Variants in BICC1 observed in about 807,000 individuals in gnomAD.
BICC1 encodes BicC family RNA binding protein 1.
BICC1 carries 43 observed loss-of-function variants against 111.0 expected under a neutral mutation model. That is an observed-to-expected ratio of 0.39 (90% CI 0.30 to 0.50). The LOEUF is 0.50. Ranked by LOEUF, BICC1 falls within the 20% of genes least tolerant of loss-of-function variation. The pLI is 0.88. For missense variants in BICC1, 1,091 were observed against 1,203.2 expected (o/e 0.91, Z 1.38); for synonymous variants, 467 against 434.4 (o/e 1.07, Z -0.93).
chr10:58,674,642 A>C (rs571588858), intron 2 of BICC1, among the ~76,000 whole-genome samples: 8 of 152,350 alleles, frequency 5.3e-5, no homozygotes, highest in Admixed American at 3.9e-4. Context: ...GTAATACATC[A>C]TAACTATCAT....
At chr10:58,718,566 T>C (rs986018254) in intron 3 of BICC1, among the ~76,000 whole-genome samples, 7 of 152,222 alleles carry the variant, frequency 4.6e-5, no homozygotes, top group Admixed American at 2.0e-4. Context: ...AATGCTTATT[T>C]ACAAGTAATT....
At chr10:58,821,131 G>T (rs1354121830) in intron 20 of BICC1, among the ~76,000 whole-genome samples, 3 of 152,138 alleles carry the variant, frequency 2.0e-5, no homozygotes, top group African/African-American at 2.4e-5. Context: ...CAGATGATGA[G>T]TCAGGAGTTG....
intron 1 of BICC1, among the ~76,000 whole-genome samples, chr10:58,529,568 A>G (rs1842628226): frequency 6.6e-6 from 1 of 151,936 alleles, no homozygotes; most frequent in Non-Finnish European, 1.5e-5. Context: ...GTTATTTCAT[A>G]TAATGATTTA....
intron 2 of BICC1, among the ~76,000 whole-genome samples, chr10:58,676,213 C>T (rs1371811264): frequency 2.0e-5 from 3 of 152,114 alleles, no homozygotes; most frequent in Non-Finnish European, 1.5e-5. Flanking sequence ...GGGCAGACAC[C>T]GAACTAGCTG....
At position 58,756,280 on chromosome 10, in the gene BICC1, A is replaced by G. The variant is rs530163301; in HGVS notation, c.308-28721A>G. ...TTGCTTTTCCGTTTTTTGCATTTCC[A>G]CGTAGACTGCGTTGCTCCTTGCTAG... On this transcript the variant is annotated intron_variant, in intron 3 of 20. Coordinates refer to ENST00000373886, the MANE Select transcript of BICC1 (RefSeq NM_001080512.3). Among the ~76,000 whole-genome samples, 65 of 152,046 alleles carry G rather than the reference A, an allele frequency of 4.3e-4. 1 individual carries two copies. The South Asian group carries it at 6.9e-3, about 16-fold the overall frequency.
chr10:58,689,344 A>G (rs1286086285), intron 2 of BICC1, among the ~76,000 whole-genome samples: 2 of 152,198 alleles, frequency 1.3e-5, no homozygotes, highest in Non-Finnish European at 2.9e-5. Context: ...TCTGTGGCCC[A>G]GATTGGATCA....
At position 58,683,656 on chromosome 10, in the gene BICC1, T is replaced by C. The variant is rs189055889; in HGVS notation, c.238-18418T>C. Among the ~76,000 whole-genome samples, 291 of 152,268 alleles carry C rather than the reference T, an allele frequency of 1.9e-3. 1 individual carries two copies. The highest frequency in any genetic ancestry group is 6.0e-3 in the African/African-American group (248 of 41,554). The stretch of plus-strand genomic sequence containing the variant: ...TCTTTGAAGCAATTGTGAATAGGAG[T>C]TCACTCATGATTTGGCTGTCTGTCT... On this transcript the variant is annotated intron_variant, in intron 2 of 20. Transcript: ENST00000373886.
intron 3 of BICC1, among the ~76,000 whole-genome samples, chr10:58,731,461 G>T (rs964273235): frequency 6.6e-6 from 1 of 151,916 alleles, no homozygotes; most frequent in African/African-American, 2.4e-5. Flanking sequence ...ACATTTTCAG[G>T]TATCTTTGTA....
chr10:58,558,092 A>G (rs1843503235), intron 1 of BICC1, among the ~76,000 whole-genome samples: 1 of 152,074 alleles, frequency 6.6e-6, no homozygotes, highest in Admixed American at 6.6e-5. Flanking sequence ...TAAGTTTTCT[A>G]CCTGATATCC....
At chr10:58,793,246 G>A (rs1843236942) in intron 8 of BICC1, among the ~76,000 whole-genome samples, 1 of 152,078 alleles carries the variant, frequency 6.6e-6, no homozygotes, top group Non-Finnish European at 1.5e-5. Context: ...AAAAAGTCCG[G>A]GGCCAAAAAC....
intron 20 of BICC1, among the ~76,000 whole-genome samples, chr10:58,822,880 GT>G (rs1401475735): frequency 6.6e-6 from 1 of 152,084 alleles, no homozygotes; most frequent in African/African-American, 2.4e-5. Flanking sequence ...TAGGTCCAGA[GT>G]TTGCTTAAAA....
At chr10:58,727,327 C>G (rs1305084579) in intron 3 of BICC1, among the ~76,000 whole-genome samples, 2 of 152,104 alleles carry the variant, frequency 1.3e-5, no homozygotes, top group African/African-American at 4.8e-5. Context: ...TGGCTCATGC[C>G]TATAGTCCCA....
At chr10:58,574,148 A>G (rs1354132216) in intron 1 of BICC1, among the ~76,000 whole-genome samples, 1 of 152,162 alleles carries the variant, frequency 6.6e-6, no homozygotes, top group African/African-American at 2.4e-5. Context: ...GGTCAGAACC[A>G]TCCTACAGGC....
intron 8 of BICC1, among the ~76,000 whole-genome samples, chr10:58,792,327 A>C (rs1843207616): frequency 6.6e-6 from 1 of 152,142 alleles, no homozygotes; most frequent in African/African-American, 2.4e-5. Context: ...TCCAGGAAGG[A>C]GGAAAGGTTT....
chr10:58,589,050 C>A (rs954955585), intron 1 of BICC1, among the ~76,000 whole-genome samples: 1 of 152,210 alleles, frequency 6.6e-6, no homozygotes, highest in South Asian at 2.1e-4. Flanking sequence ...GAACCTCTCT[C>A]ACAGTGGATG....
At chr10:58,604,300 A>G (rs1464170965) in intron 1 of BICC1, among the ~76,000 whole-genome samples, 2 of 152,314 alleles carry the variant, frequency 1.3e-5, no homozygotes, top group Middle Eastern at 6.8e-3. Flanking sequence ...AGTCTGTTTG[A>G]TATTTAGACT....
chr10:58,590,514 C>T (rs1024355661), intron 1 of BICC1, among the ~76,000 whole-genome samples: 1 of 152,078 alleles, frequency 6.6e-6, no homozygotes, highest in African/African-American at 2.4e-5. Context: ...CAGTTAGTGC[C>T]AAGAAATTTG....
rs115262707 is a variant in BICC1, at chr10:58,687,937, C to G, written c.238-14137C>G. 4.7e-3 allele frequency among the ~76,000 whole-genome samples: 722 copies of G among 152,200 alleles called. 3 individuals are homozygous for G. The highest frequency in any genetic ancestry group is 0.017 in the African/African-American group (686 of 41,522). Reference sequence around the variant, plus strand: ...GAAATTACCCATCTTCTGTCGCTCACGCTGGGAGCTGTGGACTGGAGTTGT... The same window carrying G: ...GAAATTACCCATCTTCTGTCGCTCAGGCTGGGAGCTGTGGACTGGAGTTGT... On this transcript the variant is annotated intron_variant, in intron 2 of 20. Transcript: ENST00000373886.
At chr10:58,655,960 TAAAG>T (rs1186792899) in intron 2 of BICC1, among the ~76,000 whole-genome samples, 9 of 151,520 alleles carry the variant, frequency 5.9e-5, no homozygotes, top group African/African-American at 1.7e-4. Context: ...GCAAGACTAA[TAAAG>T]AAAAAAAGAG....
Sources: gnomAD v4.1 joint callset for allele counts (sites outside exome capture counted in the v4.1 genomes callset) on GRCh38, gnomAD v4.1.1 for gene constraint, MANE v1.5 for transcripts, NCBI Gene and HGNC (gene_info 2026-07-23, HGNC 2026-07-21) for gene names.